Variants in SMIM22 observed in about 807,000 individuals in gnomAD.
The protein encoded by SMIM22 is small integral membrane protein 22.
Under a neutral mutation model 8.4 loss-of-function variants are expected in SMIM22, and 16 were observed. The observed-to-expected ratio is 1.90, with a 90% CI of 1.29 to 2.89. SMIM22 has a LOEUF of 2.89. Ranked by LOEUF, SMIM22 falls within the 30% of genes most tolerant of loss-of-function variation. SMIM22 has a pLI of 0.00. For synonymous variants in SMIM22, 67 were observed against 47.6 expected, an observed-to-expected ratio of 1.41 and a Z score of -1.68; for missense variants, 159 against 107.5, an observed-to-expected ratio of 1.48 and a Z score of -2.12.
At chr16:4,789,103 C>T (rs2082507725) in intron 2 of SMIM22, among the ~76,000 whole-genome samples, 1 of 152,192 alleles carries the variant, frequency 6.6e-6, no homozygotes, top group African/African-American at 2.4e-5. Context: ...ACTGCAACCT[C>T]CGCCTCCTGG....
upstream of SMIM22, among the ~76,000 whole-genome samples, chr16:4,794,564 G>C (rs909157976): frequency 6.6e-6 from 1 of 152,114 alleles, no homozygotes; most frequent in Non-Finnish European, 1.5e-5. Flanking sequence ...GGGATTACAG[G>C]AATGTGCCAC....
At chr16:4,794,744 T>C (rs189953995), upstream of SMIM22, among the ~76,000 whole-genome samples, 18 of 152,178 alleles carry the variant, frequency 1.2e-4, no homozygotes, top group African/African-American at 4.1e-4. Context: ...TTAGTAGAGG[T>C]GGGGTTTCGC....
chr16:4,795,687 T>G, intron 1 of SMIM22, 28 bp from the exon 2 acceptor site: 2 of 1,529,662 alleles, frequency 1.3e-6, no homozygotes, highest in South Asian at 2.4e-5. Context: ...CCCAGGATCC[T>G]GATGCAGCCT....
upstream of SMIM22, among the ~76,000 whole-genome samples, chr16:4,792,043 G>A (rs914196380): frequency 2.0e-5 from 3 of 151,782 alleles, no homozygotes; most frequent in South Asian, 2.1e-4. Flanking sequence ...AGATAGATAC[G>A]ACTTTCATAA....
Position 4,796,286 on chromosome 16 carries a change from G to T in SMIM22, c.*55G>T, listed in dbSNP as rs1260623485. On this transcript the variant is annotated 3_prime_UTR_variant, in exon 4 of 4. Coordinates refer to ENST00000586005, the MANE Select transcript of SMIM22 (RefSeq NM_001253794.2). ...AAAGCCTTCTGTCTGCCCAGAGCCT[G>T]AGTCTGCAGTGTCTTCCAGTCCCCG... The T allele has an allele frequency of 4.6e-6, 7 of 1,527,844 alleles. No individual in the cohort carries two copies. The highest frequency in any genetic ancestry group is 6.1e-6 in the Non-Finnish European group (7 of 1,141,630). The allele number at this position is 1,527,844 out of a possible 1,614,324, so 94.6% of individuals were successfully genotyped here. A position where few individuals can be genotyped will look rare whatever the true frequency, so the allele number is the denominator to read the frequency against.
chr16:4,791,097 T>C (rs906645078), upstream of SMIM22, among the ~76,000 whole-genome samples: 7 of 152,210 alleles, frequency 4.6e-5, no homozygotes, highest in Non-Finnish European at 1.0e-4. Context: ...GAAATGCGCC[T>C]CTGTGCAGAG....
upstream of SMIM22, among the ~76,000 whole-genome samples, chr16:4,792,133 G>C (rs1196117146): frequency 6.6e-6 from 1 of 152,152 alleles, no homozygotes; most frequent in Non-Finnish European, 1.5e-5. Context: ...GGGGACAGTG[G>C]GCCTCCTGCC....
At position 4,795,726 on chromosome 16, in the gene SMIM22, C is replaced by T. The variant is rs1380865915; in HGVS notation, c.-9C>T. Reference sequence around the variant, plus strand: ...GGGGACCGGGGCAGGTGGCACGGTGCACGCCAAGATGGCTGTGTCCACAGA... The same window carrying T: ...GGGGACCGGGGCAGGTGGCACGGTGTACGCCAAGATGGCTGTGTCCACAGA... On this transcript the variant is annotated 5_prime_UTR_variant, in exon 2 of 4. Coordinates refer to ENST00000586005, the MANE Select transcript of SMIM22 (RefSeq NM_001253794.2). The T allele has an allele frequency of 2.0e-6, 3 of 1,535,314 alleles. No individual in the cohort carries two copies. In the South Asian group the frequency reaches 3.6e-5, roughly 18 times the overall value.
upstream of SMIM22, among the ~76,000 whole-genome samples, chr16:4,792,980 G>GCA (rs2082575666): frequency 6.6e-6 from 1 of 151,578 alleles, no homozygotes; most frequent in Non-Finnish European, 1.5e-5. Context: ...GTGGTGGCAG[G>GCA]TGCCTGTAAT....
At chr16:4,791,300 G>GA, upstream of SMIM22, among the ~76,000 whole-genome samples, 1 of 152,236 alleles carries the variant, frequency 6.6e-6, no homozygotes, top group South Asian at 2.1e-4. Context: ...AAAAGCCAGG[G>GA]AAAAAACGAT....
chr16:4,793,398 A>G (rs930287308), upstream of SMIM22, among the ~76,000 whole-genome samples: 3 of 152,172 alleles, frequency 2.0e-5, no homozygotes, highest in Non-Finnish European at 2.9e-5. Flanking sequence ...ACATGGATAC[A>G]TTAGGTGTGT....
upstream of SMIM22, among the ~76,000 whole-genome samples, chr16:4,793,402 G>A (rs568578622): frequency 6.6e-6 from 1 of 152,296 alleles, no homozygotes; most frequent in East Asian, 1.9e-4. Context: ...GGATACATTA[G>A]GTGTGTGACG....
intron 3 of SMIM22, 29 bp from the exon 4 acceptor site, chr16:4,796,161 T>C (rs1237342799): frequency 6.5e-7 from 1 of 1,535,904 alleles, no homozygotes; most frequent in Non-Finnish European, 8.7e-7. Context: ...CGAGCGAACC[T>C]GCTTGGTCCC....
chr16:4,796,078 C>T (rs537075787), intron 3 of SMIM22, 30 bp downstream of exon 3: 30 of 1,534,864 alleles, frequency 2.0e-5, no homozygotes, highest in Non-Finnish European at 2.2e-5. Context: ...GGGACCTGCA[C>T]GGAACTGTAC....
At position 4,796,417 on chromosome 16, in the gene SMIM22, G is replaced by C; in HGVS notation, c.*186G>C. 1 of 693,234 alleles carries C rather than the reference G, an allele frequency of 1.4e-6. No homozygotes were observed. 42.9% of individuals were successfully genotyped at this position (693,234 alleles called of 1,614,324 possible). A position where few individuals can be genotyped will look rare whatever the true frequency, so the allele number is the denominator to read the frequency against. On this transcript the variant is annotated 3_prime_UTR_variant, in exon 4 of 4. Coordinates refer to ENST00000586005, the MANE Select transcript of SMIM22 (RefSeq NM_001253794.2). ...CCAGGTCATCCTCAGTCACCTAGCT[G>C]GGAGGGGAGCTGGTCTCAGGCCGGG...
chr16:4,791,673 G>A (rs2082553239), upstream of SMIM22, among the ~76,000 whole-genome samples: 1 of 151,994 alleles, frequency 6.6e-6, no homozygotes, highest in African/African-American at 2.4e-5. Flanking sequence ...GGGACTGGGC[G>A]GGGCTCTGTG....
chr16:4,796,009 G>A lies in SMIM22; in HGVS notation c.186G>A (p.Gly62=). 1 of 1,514,292 alleles carries A rather than the reference G, an allele frequency of 6.6e-7. No individual in the cohort carries two copies. Among genetic ancestry groups the A allele is most frequent in the Non-Finnish European group, 8.8e-7 (1 of 1,135,916 alleles). 93.8% of individuals were successfully genotyped at this position (1,514,292 alleles called of 1,614,324 possible). A position where few individuals can be genotyped will look rare whatever the true frequency, so the allele number is the denominator to read the frequency against. Residue 62 remains glycine (G), a synonymous_variant, in exon 3 of 4, where the codon GGG becomes GGA. Coordinates refer to ENST00000586005, the MANE Select transcript of SMIM22 (RefSeq NM_001253794.2). ...VAHCCCCSSP[G]PRRESPRKVS... ...ACTGCTGCTGCTGCAGCTCCCCCGG[G>A]CCCCGCAGGGAAAGCCCCAGGAAGG...
chr16:4,796,137 C>A, intron 3 of SMIM22, 53 bp from the exon 4 acceptor site: 1 of 1,535,902 alleles, frequency 6.5e-7, no homozygotes, highest in East Asian at 2.4e-5. Context: ...GGTGCTCATC[C>A]CCCTAGGGAA....
Position 4,796,295 on chromosome 16 carries a change from G to T in SMIM22, c.*64G>T, listed in dbSNP as rs189079794. ...TGTCTGCCCAGAGCCTGAGTCTGCA[G>T]TGTCTTCCAGTCCCCGTCTGGGTGG... On this transcript the variant is annotated 3_prime_UTR_variant, in exon 4 of 4. Coordinates refer to ENST00000586005, the MANE Select transcript of SMIM22 (RefSeq NM_001253794.2). 4 of 1,518,690 alleles carry T rather than the reference G, an allele frequency of 2.6e-6. No individual in the cohort carries two copies. In the African/African-American group the frequency reaches 4.1e-5, roughly 16 times the overall value. The allele number at this position is 1,518,690 out of a possible 1,614,324, so 94.1% of individuals were successfully genotyped here. A position where few individuals can be genotyped will look rare whatever the true frequency, so the allele number is the denominator to read the frequency against.
Sources: allele counts gnomAD v4.1 joint callset (sites outside exome capture counted in the v4.1 genomes callset), GRCh38; gene constraint gnomAD v4.1.1; transcripts MANE v1.5; gene names NCBI Gene and HGNC (gene_info 2026-07-23, HGNC 2026-07-21).